Variants in GABRA2 observed in about 807,000 individuals in gnomAD.
GABRA2 encodes gamma-aminobutyric acid receptor subunit alpha-2.
A neutral mutation model predicts 48.7 loss-of-function variants in GABRA2; 16 were observed. That is an observed-to-expected ratio of 0.33 (90% CI 0.22 to 0.50). GABRA2 has a LOEUF of 0.50. Ranked by LOEUF, GABRA2 falls within the 20% of genes least tolerant of loss-of-function variation. The pLI is 0.98. For synonymous variants in GABRA2, 185 were observed against 184.5 expected, an observed-to-expected ratio of 1.00 and a Z score of -0.02; for missense variants, 275 against 535.6, an observed-to-expected ratio of 0.51 and a Z score of 4.80.
At chr4:46,345,136 T>C (rs559559338) in intron 3 of GABRA2, among the ~76,000 whole-genome samples, 3 of 151,990 alleles carry the variant, frequency 2.0e-5, no homozygotes, top group African/African-American at 7.2e-5. Flanking sequence ...CCTTCACTTG[T>C]TCACACTCTC....
chr4:46,254,009 G>A (rs2109393088), intron 9 of GABRA2, among the ~76,000 whole-genome samples: 1 of 151,554 alleles, frequency 6.6e-6, no homozygotes, highest in Middle Eastern at 3.4e-3. Context: ...ACAATTCTAA[G>A]ATCTTCTAAA....
intron 8 of GABRA2, among the ~76,000 whole-genome samples, chr4:46,300,279 A>T (rs145866733): frequency 2.0e-5 from 3 of 151,838 alleles, no homozygotes; most frequent in African/African-American, 7.2e-5. Flanking sequence ...TACATTTGAT[A>T]TCATATATTC....
At chr4:46,347,624 C>A (rs1734372460) in intron 3 of GABRA2, among the ~76,000 whole-genome samples, 1 of 151,930 alleles carries the variant, frequency 6.6e-6, no homozygotes, top group East Asian at 1.9e-4. Flanking sequence ...ATATAAGACT[C>A]TAAACTATCA....
At chr4:46,354,803 C>T (rs1032724414) in intron 3 of GABRA2, among the ~76,000 whole-genome samples, 1 of 152,128 alleles carries the variant, frequency 6.6e-6, no homozygotes, top group Admixed American at 6.6e-5. Context: ...GCAAGGAAAT[C>T]CTTTAACTTC....
At chr4:46,289,669 A>G (rs1241128649) in intron 8 of GABRA2, among the ~76,000 whole-genome samples, 2 of 152,160 alleles carry the variant, frequency 1.3e-5, no homozygotes, top group African/African-American at 4.8e-5. Context: ...GTACCTGTAT[A>G]ACACACCTGC....
chr4:46,378,286 G>T (rs899164043), intron 3 of GABRA2, among the ~76,000 whole-genome samples: 2 of 152,108 alleles, frequency 1.3e-5, no homozygotes, highest in African/African-American at 2.4e-5. Flanking sequence ...AGGTAGACGT[G>T]GGAGACTTTT....
At chr4:46,286,426 G>A (rs768623403) in intron 8 of GABRA2, among the ~76,000 whole-genome samples, 20 of 151,996 alleles carry the variant, frequency 1.3e-4, no homozygotes, top group Non-Finnish European at 8.8e-5. Context: ...ACATGTTTCT[G>A]TGTGAACATA....
chr4:46,360,849 G>C (rs1397007698), intron 3 of GABRA2, among the ~76,000 whole-genome samples: 1 of 152,168 alleles, frequency 6.6e-6, no homozygotes, highest in African/African-American at 2.4e-5. Context: ...GGAACTTGTT[G>C]GGAACTGGAG....
chr4:46,339,541 A>G (rs1283548801), intron 3 of GABRA2, among the ~76,000 whole-genome samples: 4 of 151,938 alleles, frequency 2.6e-5, no homozygotes, highest in Non-Finnish European at 5.9e-5. Context: ...CTCTGCTATC[A>G]TAATGAAGCT....
intron 8 of GABRA2, among the ~76,000 whole-genome samples, chr4:46,289,780 T>C (rs898961710): frequency 1.3e-5 from 2 of 152,200 alleles, no homozygotes; most frequent in African/African-American, 2.4e-5. Context: ...TCTATTCCAT[T>C]GATCTATGTG....
chr4:46,337,608 AGATAGCGTATTCAGTTTGGAAGAT>A (rs1732475575), intron 3 of GABRA2, among the ~76,000 whole-genome samples: 2 of 149,354 alleles, frequency 1.3e-5, no homozygotes, highest in South Asian at 4.4e-4. Context: ...AGTAGACTGA[AGATAGCGTATTCAGTTTGGAAGAT>A]GATGCCATTG....
At position 46,245,906 on chromosome 4, in the gene GABRA2, A is replaced by G. The variant is rs1162212854; in HGVS notation, c.*4402T>C. ...CACCTTTATAAGTATTTCTTCATAT[A>G]TAAACAAACAAAAATAGAATATTTC... On this transcript the variant is annotated 3_prime_UTR_variant, in exon 10 of 10. Transcript: ENST00000381620. Among the ~76,000 whole-genome samples the G allele has an allele frequency of 1.3e-5, 2 of 151,242 alleles. No homozygotes were observed. Among genetic ancestry groups the G allele is most frequent in the Admixed American group, 1.3e-4 (2 of 15,124 alleles).
intron 9 of GABRA2, among the ~76,000 whole-genome samples, chr4:46,253,550 C>A (rs1456907479): frequency 5.9e-5 from 9 of 151,392 alleles, no homozygotes; most frequent in African/African-American, 2.2e-4. Flanking sequence ...TTATTTTCTT[C>A]ATTGTTTAAA....
chr4:46,377,863 G>T (rs1329848191), intron 3 of GABRA2, among the ~76,000 whole-genome samples: 3 of 149,860 alleles, frequency 2.0e-5, no homozygotes, highest in East Asian at 2.0e-4. Context: ...GAGGTGGGGG[G>T]GTCAGCCCCC....
intron 4 of GABRA2, among the ~76,000 whole-genome samples, chr4:46,330,589 T>TAGAGAGAGAG (rs1322712224): frequency 1.4e-3 from 169 of 124,634 alleles, no homozygotes; most frequent in African/African-American, 4.3e-3. Context: ...TATATATATA[T>TAGAGAGAGAG]ATAGAGAGAG....
At chr4:46,377,537 A>G (rs370389381) in intron 3 of GABRA2, among the ~76,000 whole-genome samples, 1 of 143,348 alleles carries the variant, frequency 7.0e-6, no homozygotes, top group African/African-American at 2.6e-5. Context: ...CCCTCCGCCC[A>G]GCAGCCACCC....
At chr4:46,348,080 A>C (rs927258345) in intron 3 of GABRA2, among the ~76,000 whole-genome samples, 1 of 152,136 alleles carries the variant, frequency 6.6e-6, no homozygotes, top group Non-Finnish European at 1.5e-5. Flanking sequence ...ATTTACAAGA[A>C]AAAAACAAAC....
chr4:46,343,944 G>GCA (rs1253391668), intron 3 of GABRA2, among the ~76,000 whole-genome samples: 4 of 151,870 alleles, frequency 2.6e-5, no homozygotes, highest in South Asian at 4.1e-4. Flanking sequence ...TCCCTAAAAA[G>GCA]AGAAAAGTAA....
chr4:46,333,333 T>C (rs1213401659), intron 3 of GABRA2, among the ~76,000 whole-genome samples: 1 of 152,100 alleles, frequency 6.6e-6, no homozygotes, highest in Non-Finnish European at 1.5e-5. Context: ...ATAACTGTAA[T>C]ACAATTAACT....
Sources: allele counts gnomAD v4.1 joint callset (sites outside exome capture counted in the v4.1 genomes callset), GRCh38; gene constraint gnomAD v4.1.1; transcripts MANE v1.5; gene names NCBI Gene and HGNC (gene_info 2026-07-23, HGNC 2026-07-21).